The following SDCCAG8 variants were observed in gnomAD, a reference collection of about 807,000 sequenced individuals.
SDCCAG8 encodes the protein SHH signaling and ciliogenesis regulator SDCCAG8.
A neutral mutation model predicts 101.8 loss-of-function variants in SDCCAG8; 74 were observed. That is an observed-to-expected ratio of 0.73 (90% CI 0.60 to 0.88). The LOEUF (loss-of-function observed/expected upper bound fraction) is 0.88. Ranked by LOEUF, SDCCAG8 falls within the 40% of genes least tolerant of loss-of-function variation. The pLI is 0.00. For missense variants in SDCCAG8, 787 were observed against 822.6 expected (o/e 0.96, Z 0.53); for synonymous variants, 281 against 292.9 (o/e 0.96, Z 0.41).
At chr1:243,280,943 T>G (rs1427365239) in intron 4 of SDCCAG8, among the ~76,000 whole-genome samples, 1 of 152,252 alleles carries the variant, frequency 6.6e-6, no homozygotes, top group African/African-American at 2.4e-5. Flanking sequence ...TGTTGTTCAT[T>G]TCAATTGTGC....
chr1:243,367,504 G>A (rs1403469640), intron 12 of SDCCAG8, among the ~76,000 whole-genome samples: 3 of 151,738 alleles, frequency 2.0e-5, no homozygotes, highest in Non-Finnish European at 2.9e-5. Flanking sequence ...GCAAACACAG[G>A]TCAAAGGTAC....
At chr1:243,480,364 A>C in intron 16 of SDCCAG8, among the ~76,000 whole-genome samples, 1 of 61,722 alleles carries the variant, frequency 1.6e-5, no homozygotes, top group Non-Finnish European at 3.0e-5. Flanking sequence ...GGTGGGTGGG[A>C]TGGATGGATG....
chr1:243,341,173 G>A lies in SDCCAG8; in HGVS notation c.1356G>A (p.Lys452=), dbSNP rs1057515483. The change falls in exon 11 of 18, where the codon AAG becomes AAA. Residue 452 remains lysine (K), a splice_region_variant and synonymous_variant. Transcript: ENST00000366541. Reference sequence around the variant, plus strand: ...CTTCTCGGGAAATGGATGTCACAAAGGTACAGAAAGAGATTTTAGTGTAAT... The same window carrying A: ...CTTCTCGGGAAATGGATGTCACAAAAGTACAGAAAGAGATTTTAGTGTAAT... ...QLASREMDVT[K]VCGEMRYQLN... 6.2e-7 allele frequency: 1 copy of A among 1,613,852 alleles called. No individual in the cohort carries two copies. Among genetic ancestry groups the A allele is most frequent in the Admixed American group, 1.7e-5 (1 of 60,010 alleles).
intron 8 of SDCCAG8, among the ~76,000 whole-genome samples, chr1:243,312,039 G>C (rs978380532): frequency 1.8e-4 from 28 of 152,162 alleles, no homozygotes; most frequent in Non-Finnish European, 3.2e-4. Flanking sequence ...CTGCATTAAT[G>C]ACAGAAAGGA....
chr1:243,330,065 A>G (rs1458609040), intron 9 of SDCCAG8, among the ~76,000 whole-genome samples: 2 of 152,212 alleles, frequency 1.3e-5, no homozygotes, highest in African/African-American at 4.8e-5. Flanking sequence ...TAAACAAAAG[A>G]TGCCTGTGTG....
At chr1:243,313,373 A>G (rs902962487) in intron 8 of SDCCAG8, among the ~76,000 whole-genome samples, 1 of 152,200 alleles carries the variant, frequency 6.6e-6, no homozygotes, top group African/African-American at 2.4e-5. Context: ...ACATTAGACC[A>G]ACTCTTTTGC....
chr1:243,378,507 A>T (rs1573670586), intron 12 of SDCCAG8, among the ~76,000 whole-genome samples: 1 of 152,322 alleles, frequency 6.6e-6, no homozygotes, highest in Non-Finnish European at 1.5e-5. Context: ...TTTCATTTTT[A>T]AAATTAGATT....
chr1:243,257,867 CA>C (rs2066894023), intron 1 of SDCCAG8, among the ~76,000 whole-genome samples: 1 of 152,098 alleles, frequency 6.6e-6, no homozygotes, highest in Non-Finnish European at 1.5e-5. Context: ...TTAAGATTGG[CA>C]AAAATTTTTT....
intron 10 of SDCCAG8, among the ~76,000 whole-genome samples, chr1:243,340,533 C>T (rs927903585): frequency 6.6e-6 from 1 of 152,154 alleles, no homozygotes; most frequent in Admixed American, 6.5e-5. Context: ...TGGGGTTTTA[C>T]CAACAAAGGG....
chr1:243,286,231 T>C (rs137862192), intron 4 of SDCCAG8, 41 bp from the exon 5 acceptor site: 99 of 1,598,936 alleles, frequency 6.2e-5, no homozygotes, highest in Non-Finnish European at 7.3e-5. Context: ...ATAAAAACAC[T>C]GCTTAATAAT....
chr1:243,448,117 C>A (rs1294780123), intron 16 of SDCCAG8, among the ~76,000 whole-genome samples: 1 of 152,142 alleles, frequency 6.6e-6, no homozygotes, highest in African/African-American at 2.4e-5. Flanking sequence ...GCTGCAGGCA[C>A]CCGCATTGCT....
intron 12 of SDCCAG8, among the ~76,000 whole-genome samples, chr1:243,376,803 A>G (rs1406729213): frequency 1.3e-5 from 2 of 152,094 alleles, no homozygotes; most frequent in African/African-American, 2.4e-5. Context: ...ATTCTTTGCC[A>G]CCTTAAACTG....
chr1:243,481,195 A>G (rs1008173), intron 16 of SDCCAG8, among the ~76,000 whole-genome samples: 40,297 of 151,946 alleles, frequency 0.27, 5,963 homozygotes, highest in East Asian at 0.43. Flanking sequence ...TCAGGAGAGC[A>G]CTGAGCCCAG....
At chr1:243,295,397 C>T (rs902140165) in intron 6 of SDCCAG8, among the ~76,000 whole-genome samples, 5 of 152,162 alleles carry the variant, frequency 3.3e-5, no homozygotes, top group Non-Finnish European at 5.9e-5. Context: ...GCCACCATGC[C>T]CGGCTGATTT....
intron 10 of SDCCAG8, among the ~76,000 whole-genome samples, chr1:243,330,999 A>G (rs144685988): frequency 5.9e-5 from 9 of 152,314 alleles, no homozygotes; most frequent in African/African-American, 1.9e-4. Context: ...GAGTCGTGCT[A>G]TGAAGATACC....
intron 12 of SDCCAG8, among the ~76,000 whole-genome samples, chr1:243,367,415 G>C (rs947808402): frequency 6.6e-6 from 1 of 151,936 alleles, no homozygotes; most frequent in African/African-American, 2.4e-5. Context: ...AGAAGGATTA[G>C]GTCAGGGTTA....
chr1:243,270,235 C>G lies in SDCCAG8; in HGVS notation c.198C>G (p.Pro66=). 6.2e-7 allele frequency: 1 copy of G among 1,614,032 alleles called. No homozygotes were observed. The highest frequency in any genetic ancestry group is 2.2e-5 in the East Asian group (1 of 44,874). The change falls in exon 2 of 18, where the codon CCC becomes CCG. Residue 66 remains proline (P), a synonymous_variant. Transcript: ENST00000366541. ...VGNEDARTAW[P]ELQQSHAVNQ... is the part of the protein sequence containing the mutation. ...ATGAGGACGCCAGGACAGCCTGGCC[C>G]GAATTACAACAGAGCCATGCTGGTG...
chr1:243,364,360 A>G (rs2076879065), intron 12 of SDCCAG8, among the ~76,000 whole-genome samples: 1 of 152,158 alleles, frequency 6.6e-6, no homozygotes, highest in African/African-American at 2.4e-5. Context: ...CCAAGCATAA[A>G]TGTTAGTAAG....
At chr1:243,289,541 G>A (rs551553789) in intron 5 of SDCCAG8, among the ~76,000 whole-genome samples, 22 of 152,294 alleles carry the variant, frequency 1.4e-4, no homozygotes, top group African/African-American at 4.8e-4. Context: ...AATGTGCGAG[G>A]CACTGTGTCA....
Sources: allele counts gnomAD v4.1 joint callset (sites outside exome capture counted in the v4.1 genomes callset), GRCh38; gene constraint gnomAD v4.1.1; transcripts MANE v1.5; gene names NCBI Gene and HGNC (gene_info 2026-07-23, HGNC 2026-07-21).